PKD2L2: variants seen among roughly 807,000 people sequenced by gnomAD.
PKD2L2 encodes polycystin-2-like protein 2.
Under a neutral mutation model 83.9 loss-of-function variants are expected in PKD2L2, and 67 were observed. The ratio of observed to expected loss-of-function variants is 0.80; its 90% confidence interval spans 0.66 to 0.98. The LOEUF is 0.98. Ranked by LOEUF, PKD2L2 falls within the 50% of genes least tolerant of loss-of-function variation. The pLI is 0.00. For missense variants in PKD2L2, 632 were observed against 717.2 expected (o/e 0.88, Z 1.36); for synonymous variants, 223 against 237.8 (o/e 0.94, Z 0.57).
In PKD2L2 at chr5:137,942,080, CT is replaced by C. The variant is rs781668097; in HGVS notation, c.*18-302del. The C allele has an allele frequency of 1.6e-5, 24 of 1,518,732 alleles. No homozygotes were observed. In the East Asian group the frequency reaches 4.7e-4, roughly 30 times the overall value. The allele number at this position is 1,518,732 out of a possible 1,614,324, so 94.1% of individuals were successfully genotyped here. Reference sequence around the variant, plus strand: ...AAATGGTAAAATACTGAAGGGCACACTTGATTCATTATATTCTTAAGAGAGG... The same window carrying C: ...AAATGGTAAAATACTGAAGGGCACACTGATTCATTATATTCTTAAGAGAGG... On this transcript the variant is annotated intron_variant, in intron 14 of 14. Transcript: ENST00000508883.
chr5:137,930,571 T>G (rs6871007), intron 12 of PKD2L2, among the ~76,000 whole-genome samples: 1 of 150,724 alleles, frequency 6.6e-6, no homozygotes, highest in Admixed American at 6.6e-5. Flanking sequence ...CTCAGGAGGC[T>G]GAGGCAGGTG....
chr5:137,935,760 A>G (rs774532370), intron 12 of PKD2L2, 37 bp from the exon 13 acceptor site: 2 of 1,094,844 alleles, frequency 1.8e-6, no homozygotes, highest in Non-Finnish European at 2.8e-6. Flanking sequence ...ATAGAGAACT[A>G]AAGATTGCAG....
In PKD2L2 at chr5:137,908,777, A is replaced by C. The variant is rs762615376; in HGVS notation, c.1159A>C (p.Ile387Leu). Residue 387 changes from isoleucine (I) to leucine (L), a missense_variant, in exon 8 of 15, where the codon ATA (isoleucine) becomes CTA (leucine). Coordinates refer to ENST00000508883, the MANE Select transcript of PKD2L2 (RefSeq NM_001300921.2). Reference sequence around the variant, plus strand: ...TGTTCTTTTTCAGATATTCAAATTCATAAGCTTTAACAAGACAATGTCTCA... The same window carrying C: ...TGTTCTTTTTCAGATATTCAAATTCCTAAGCTTTAACAAGACAATGTCTCA... ...FFAWIKIFKF[I>L]SFNKTMSQLS... is the part of the protein sequence containing the mutation. 2 of 1,538,064 alleles carry C rather than the reference A, an allele frequency of 1.3e-6. No homozygotes were observed. The highest frequency in any genetic ancestry group is 1.8e-6 in the Non-Finnish European group (2 of 1,133,520).
In PKD2L2 at chr5:137,929,727, AG is replaced by A. The variant is rs549544748; in HGVS notation, c.1671+3801del. 1.4e-4 allele frequency among the ~76,000 whole-genome samples: 22 copies of A among 152,246 alleles called. No individual in the cohort carries two copies. The South Asian group carries it at 4.6e-3, about 32-fold the overall frequency. On this transcript the variant is annotated intron_variant, in intron 12 of 14. Transcript: ENST00000508883. ...TAAAGGCTCGAACATGCAAGAACTT[AG>A]GGAATACTATCATCTTTCTAAGGAT...
At position 137,919,030 on chromosome 5, in the gene PKD2L2, G is replaced by T. The variant is rs1290658511; in HGVS notation, c.1329-2606G>T. On this transcript the variant is annotated intron_variant, in intron 8 of 14. Transcript: ENST00000508883. ...GTCACCTTTCTATACATCAAGCAGGGAGCCTGAATTGCTACACCCTCAAGT... is the reference window on the plus strand; with the variant it reads ...GTCACCTTTCTATACATCAAGCAGGTAGCCTGAATTGCTACACCCTCAAGT... Among the ~76,000 whole-genome samples, 4 of 151,944 alleles carry T rather than the reference G, an allele frequency of 2.6e-5. No homozygotes were observed. In the East Asian group the frequency reaches 7.8e-4, roughly 29 times the overall value.
chr5:137,906,569 T>C (rs1757384012), intron 6 of PKD2L2, 135 bp downstream of exon 6: 1 of 569,176 alleles, frequency 1.8e-6, no homozygotes, highest in Non-Finnish European at 3.1e-6. Context: ...TAAAATGTAC[T>C]GGGAATAGTA....
At chr5:137,910,263 AT>A (rs1392526098) in intron 8 of PKD2L2, among the ~76,000 whole-genome samples, 275 of 148,504 alleles carry the variant, frequency 1.9e-3, no homozygotes, top group Non-Finnish European at 1.9e-3. Context: ...AATAATAATA[AT>A]AATAATAATA....
rs1759108318 is a variant in PKD2L2 at position 137,923,502 on chromosome 5, T to C, written c.1532T>C (p.Leu511Pro). The C allele has an allele frequency of 1.3e-6, 2 of 1,496,158 alleles. No individual in the cohort carries two copies. The highest frequency in any genetic ancestry group is 2.3e-5 in the South Asian group (2 of 88,466). The allele number at this position is 1,496,158 out of a possible 1,614,324, so 92.7% of individuals were successfully genotyped here. Residue 511 changes from leucine to proline, a missense_variant, in exon 10 of 15, where the codon CTT becomes CCT. Coordinates refer to ENST00000508883, the MANE Select transcript of PKD2L2 (RefSeq NM_001300921.2). ...YSIGRRLDFELGKMIKQSYKN... is the reference protein window; with the variant it reads ...YSIGRRLDFEPGKMIKQSYKN... The stretch of plus-strand genomic sequence containing the variant: ...ATAGGCAGAAGGCTAGATTTTGAAC[T>C]TGGCAAAATGATTAAACAGGTAAGT...
Position 137,889,637 on chromosome 5 carries a change from T to C in PKD2L2, c.31+115T>C, listed in dbSNP as rs538959671. The C allele has an allele frequency of 3.5e-6, 3 of 845,956 alleles. No homozygotes were observed. In the East Asian group the frequency reaches 9.7e-5, roughly 27 times the overall value. The allele number at this position is 845,956 out of a possible 1,614,324, so 52.4% of individuals were successfully genotyped here. A position where few individuals can be genotyped will look rare whatever the true frequency, so the allele number is the denominator to read the frequency against. ...TGAGAGATGTGACTGCCGACACCTT[T>C]AGCCCTCACAGCCTCCCCTGGGGAA... On this transcript the variant is annotated intron_variant, in intron 1 of 14. Coordinates refer to ENST00000508883, the MANE Select transcript of PKD2L2 (RefSeq NM_001300921.2).
intron 12 of PKD2L2, among the ~76,000 whole-genome samples, chr5:137,931,622 C>A (rs533283796): frequency 6.6e-6 from 1 of 152,272 alleles, no homozygotes; most frequent in East Asian, 1.9e-4. Context: ...TAAGTTTCAA[C>A]ACCCAATCTT....
At chr5:137,912,330 TAA>T (rs1757905676) in intron 8 of PKD2L2, among the ~76,000 whole-genome samples, 1 of 152,194 alleles carries the variant, frequency 6.6e-6, no homozygotes, top group Non-Finnish European at 1.5e-5. Context: ...ATCTTTTTGA[TAA>T]GAGCCATTCT....
chr5:137,941,514 T>TA (rs1053658428), intron 14 of PKD2L2, among the ~76,000 whole-genome samples: 44 of 152,194 alleles, frequency 2.9e-4, no homozygotes, highest in African/African-American at 8.7e-4. Context: ...GGCACACTGT[T>TA]AGACACCTTG....
intron 12 of PKD2L2, among the ~76,000 whole-genome samples, chr5:137,928,518 C>T (rs1401801064): frequency 6.6e-6 from 1 of 152,218 alleles, no homozygotes; most frequent in African/African-American, 2.4e-5. Context: ...GCAGCCTCGA[C>T]CTCCATGGGC....
chr5:137,893,649 A>G (rs923626538), intron 3 of PKD2L2, among the ~76,000 whole-genome samples: 1 of 152,210 alleles, frequency 6.6e-6, no homozygotes, highest in African/African-American at 2.4e-5. Flanking sequence ...GATGAGGTGG[A>G]AAAGACCAAA....
chr5:137,913,188 T>TC (rs952279722), intron 8 of PKD2L2, among the ~76,000 whole-genome samples: 4 of 142,218 alleles, frequency 2.8e-5, no homozygotes, highest in East Asian at 2.0e-4. Context: ...TTTTTTCTTT[T>TC]TTTTTTTTTT....
chr5:137,942,193 A>T, intron 14 of PKD2L2, 191 bp from the exon 15 acceptor site: 2 of 646,460 alleles, frequency 3.1e-6, no homozygotes, highest in Non-Finnish European at 5.3e-6. Flanking sequence ...ATGAAATCAG[A>T]ATAGCTGAAG....
intron 14 of PKD2L2, chr5:137,938,703 ACTG>A (rs1760835759): frequency 6.6e-6 from 1 of 152,346 alleles, no homozygotes; most frequent in South Asian, 2.1e-4. Flanking sequence ...AAGTACTAGA[ACTG>A]CTATTTATTA....
At chr5:137,928,162 C>A (rs1447997289) in intron 12 of PKD2L2, among the ~76,000 whole-genome samples, 1 of 152,122 alleles carries the variant, frequency 6.6e-6, no homozygotes. Context: ...AGCAAAGCTG[C>A]GCTTCAAATA....
chr5:137,926,726 G>T (rs1184218836), intron 12 of PKD2L2, among the ~76,000 whole-genome samples: 1 of 152,184 alleles, frequency 6.6e-6, no homozygotes, highest in Non-Finnish European at 1.5e-5. Flanking sequence ...TCCAGGGCTG[G>T]AAAGTACAGC....
Sources: allele counts gnomAD v4.1 joint callset (sites outside exome capture counted in the v4.1 genomes callset), GRCh38; gene constraint gnomAD v4.1.1; transcripts MANE v1.5; gene names NCBI Gene and HGNC (gene_info 2026-07-23, HGNC 2026-07-21).